The following DPP10 variants were observed in gnomAD, a reference collection of about 807,000 sequenced individuals.
DPP10 encodes the protein inactive dipeptidyl peptidase 10.
DPP10 carries 33 observed loss-of-function variants against 120.9 expected under a neutral mutation model. The ratio of observed to expected loss-of-function variants is 0.27; its 90% confidence interval spans 0.21 to 0.37. The LOEUF (loss-of-function observed/expected upper bound fraction) is 0.37. DPP10 is among the 10% of genes least tolerant of loss of function. The probability of loss-of-function intolerance (pLI) is 1.00; values close to 1 mark genes in which losing one functional copy is unlikely to be tolerated. For synonymous variants in DPP10, 337 were observed against 326.1 expected, an observed-to-expected ratio of 1.03 and a Z score of -0.36; for missense variants, 816 against 942.8, an observed-to-expected ratio of 0.87 and a Z score of 1.76.
At chr2:115,664,341 A>G (rs1005160148) in intron 5 of DPP10, among the ~76,000 whole-genome samples, 2 of 152,058 alleles carry the variant, frequency 1.3e-5, no homozygotes, top group Non-Finnish European at 2.9e-5. Context: ...AATTTTTCAA[A>G]TTTTTGGTTC....
chr2:114,456,427 T>C lies in DPP10; in HGVS notation c.60+13589T>C, dbSNP rs184648736. ...GCAGAGGCATCTGTAGCAATCTTGG[T>C]CTAGCCAGGATCAGGGTAAGAATAT... On this transcript the variant is annotated intron_variant, in intron 1 of 25. Transcript: ENST00000410059. Among the ~76,000 whole-genome samples the C allele has an allele frequency of 6.0e-4, 92 of 152,320 alleles. 1 individual carries two copies. Among genetic ancestry groups the C allele is most frequent in the Admixed American group, 5.4e-3 (83 of 15,296 alleles).
chr2:115,767,767 G>C (rs967608372), intron 12 of DPP10, among the ~76,000 whole-genome samples: 1 of 151,994 alleles, frequency 6.6e-6, no homozygotes. Flanking sequence ...ACTTTCTATA[G>C]AATCCTTTCA....
chr2:114,826,615 C>T (rs999114016), intron 1 of DPP10, among the ~76,000 whole-genome samples: 6 of 152,162 alleles, frequency 3.9e-5, no homozygotes, highest in African/African-American at 1.4e-4. Flanking sequence ...CCTGCAACCT[C>T]CGCCTCCCAG....
intron 1 of DPP10, among the ~76,000 whole-genome samples, chr2:115,232,218 G>A (rs533253828): frequency 3.9e-5 from 6 of 152,104 alleles, no homozygotes; most frequent in Non-Finnish European, 8.8e-5. Flanking sequence ...ACTGAACTCC[G>A]GCCCTTTAAG....
intron 21 of DPP10, among the ~76,000 whole-genome samples, chr2:115,830,593 A>G (rs1253683021): frequency 6.6e-6 from 1 of 152,168 alleles, no homozygotes; most frequent in Non-Finnish European, 1.5e-5. Flanking sequence ...TTCAGTAAGG[A>G]GAGCTATATG....
At chr2:114,897,807 C>T (rs1376065321) in intron 1 of DPP10, among the ~76,000 whole-genome samples, 1 of 152,164 alleles carries the variant, frequency 6.6e-6, no homozygotes, top group Non-Finnish European at 1.5e-5. Flanking sequence ...GATATCATCT[C>T]ACACCAGTTA....
At chr2:115,266,113 A>G (rs1370950226) in intron 1 of DPP10, among the ~76,000 whole-genome samples, 1 of 152,214 alleles carries the variant, frequency 6.6e-6, no homozygotes, top group Admixed American at 6.5e-5. Context: ...AATGGTTATC[A>G]GCAAGACATA....
intron 5 of DPP10, among the ~76,000 whole-genome samples, chr2:115,539,219 G>T (rs947020236): frequency 3.3e-5 from 5 of 152,048 alleles, no homozygotes; most frequent in Admixed American, 6.6e-5. Context: ...TGTAATTGTG[G>T]AAAAGGAAAA....
intron 1 of DPP10, among the ~76,000 whole-genome samples, chr2:114,544,310 T>C (rs934774540): frequency 6.6e-6 from 1 of 152,222 alleles, no homozygotes; most frequent in Non-Finnish European, 1.5e-5. Context: ...ACGCTTCAGA[T>C]CCTGTGGGAG....
At chr2:115,588,685 A>G (rs2082441729) in intron 5 of DPP10, among the ~76,000 whole-genome samples, 1 of 152,190 alleles carries the variant, frequency 6.6e-6, no homozygotes, top group Non-Finnish European at 1.5e-5. Flanking sequence ...GCAGAATTTG[A>G]TTTGTAATTG....
chr2:114,537,214 T>C (rs773290778), intron 1 of DPP10, among the ~76,000 whole-genome samples: 1 of 152,108 alleles, frequency 6.6e-6, no homozygotes, highest in Non-Finnish European at 1.5e-5. Flanking sequence ...GGGATGTGAG[T>C]TGGATAGAAA....
Position 115,429,934 on chromosome 2 carries a change from A to G in DPP10, c.272-69576A>G, listed in dbSNP as rs531896574. On this transcript the variant is annotated intron_variant, in intron 3 of 25. Transcript: ENST00000410059. Reference sequence around the variant, plus strand: ...TATATGAGCAACCTGGAGCGTGTTTAGAGGAGTGTGACTGGAAGTGGAAAG... The same window carrying G: ...TATATGAGCAACCTGGAGCGTGTTTGGAGGAGTGTGACTGGAAGTGGAAAG... Among the ~76,000 whole-genome samples, 9 of 152,182 alleles carry G rather than the reference A, an allele frequency of 5.9e-5. No homozygotes were observed. The South Asian group carries it at 6.2e-4, about 11-fold the overall frequency.
At chr2:114,825,108 GA>G (rs1686416074) in intron 1 of DPP10, among the ~76,000 whole-genome samples, 1 of 152,204 alleles carries the variant, frequency 6.6e-6, no homozygotes, top group Non-Finnish European at 1.5e-5. Context: ...GAACTTCAGA[GA>G]AGTGCACTTT....
intron 21 of DPP10, among the ~76,000 whole-genome samples, chr2:115,820,797 GTA>G (rs138674771): frequency 0.19 from 11,125 of 58,830 alleles, 480 homozygotes; most frequent in African/African-American, 0.29. Flanking sequence ...ATTCCATGGT[GTA>G]TGTGTGTGTG....
intron 5 of DPP10, among the ~76,000 whole-genome samples, chr2:115,622,027 T>C (rs2084987570): frequency 6.6e-6 from 1 of 152,204 alleles, no homozygotes; most frequent in South Asian, 2.1e-4. Context: ...TTACCTGCTA[T>C]AAAGTTACTC....
intron 1 of DPP10, among the ~76,000 whole-genome samples, chr2:115,163,878 T>C (rs1283384678): frequency 6.6e-6 from 1 of 152,224 alleles, no homozygotes; most frequent in Non-Finnish European, 1.5e-5. Flanking sequence ...AATGTATGTG[T>C]AGATAGTGGA....
chr2:114,566,376 T>A (rs934546265), intron 1 of DPP10, among the ~76,000 whole-genome samples: 1 of 152,214 alleles, frequency 6.6e-6, no homozygotes, highest in African/African-American at 2.4e-5. Context: ...AATTTGTATG[T>A]AGAAATAATT....
intron 3 of DPP10, among the ~76,000 whole-genome samples, chr2:115,378,763 C>T (rs571772857): frequency 2.8e-4 from 43 of 152,186 alleles, no homozygotes; most frequent in Admixed American, 4.6e-4. Context: ...TAGCATGAAG[C>T]GTTGTTGAAT....
At chr2:114,632,026 T>G (rs900064260) in intron 1 of DPP10, among the ~76,000 whole-genome samples, 3 of 152,202 alleles carry the variant, frequency 2.0e-5, no homozygotes, top group African/African-American at 7.2e-5. Context: ...TGTATTTGGT[T>G]GATTGTTTCA....
Sources: gnomAD v4.1 joint callset for allele counts (sites outside exome capture counted in the v4.1 genomes callset) on GRCh38, gnomAD v4.1.1 for gene constraint, MANE v1.5 for transcripts, NCBI Gene and HGNC (gene_info 2026-07-23, HGNC 2026-07-21) for gene names.